The following PACS2 variants were observed in gnomAD, a reference collection of about 807,000 sequenced individuals.
PACS2 encodes the protein phosphofurin acidic cluster sorting protein 2.
Under a neutral mutation model 113.0 loss-of-function variants are expected in PACS2, and 36 were observed. The observed-to-expected ratio is 0.32, with a 90% CI of 0.24 to 0.42. PACS2 has a LOEUF of 0.42. PACS2 is among the 10% of genes least tolerant of loss of function. The probability of loss-of-function intolerance (pLI) is 1.00; values close to 1 mark genes in which losing one functional copy is unlikely to be tolerated. For synonymous variants in PACS2, 589 were observed against 536.1 expected (o/e 1.10, Z -1.36); for missense variants, 1,015 against 1,239.5 (o/e 0.82, Z 2.72).
At chr14:105,384,249 A>G in intron 16 of PACS2, 104 bp from the exon 17 acceptor site, 1 of 652,632 alleles carries the variant, frequency 1.5e-6, no homozygotes, top group Non-Finnish European at 2.7e-6. Flanking sequence ...TCTGGAAGGC[A>G]GCAGCACAGG....
At chr14:105,347,111 C>T (rs1298173640) in intron 1 of PACS2, among the ~76,000 whole-genome samples, 1 of 148,328 alleles carries the variant, frequency 6.7e-6, no homozygotes, top group Admixed American at 6.7e-5. Flanking sequence ...ACCCAGAGTG[C>T]TCTGGTGTCT....
At chr14:105,312,999 C>T (rs148025879), upstream of PACS2, among the ~76,000 whole-genome samples, 1,202 of 152,288 alleles carry the variant, frequency 7.9e-3, 12 homozygotes, top group Middle Eastern at 0.027. Context: ...TGGGATGGGA[C>T]AGAACTGTCA....
rs781997392 is a variant in PACS2, at chr14:105,392,701, GAGA to G, written c.2344_2346del (p.Lys782del). 3 of 1,612,762 alleles carry G rather than the reference GAGA, an allele frequency of 1.9e-6. No homozygotes were observed. Among genetic ancestry groups the G allele is most frequent in the African/African-American group, 2.7e-5 (2 of 74,924 alleles). ...GCCTGCGGACAGGAAGAGGGACGCC[GAGA>G]AGAAGGACCTGCCTGTCACCAAAAA... On this transcript the variant is annotated inframe_deletion, in exon 23 of 25. Transcript: ENST00000447393.
rs897491909 is a variant in PACS2, at chr14:105,367,337, A to C, written c.548A>C (p.Asp183Ala). 6.2e-7 allele frequency: 1 copy of C among 1,613,348 alleles called. No individual in the cohort carries two copies. The stretch of plus-strand genomic sequence containing the variant: ...TCCAGCCAGCCCATTGACCACGAAG[A>C]CAGCACCATGCAGGCCGGCCCCAAG... ...SLSSQPIDHEDSTMQAGPKAK... is the reference protein window; with the variant it reads ...SLSSQPIDHEASTMQAGPKAK... The change falls in exon 5 of 25, where the codon GAC becomes GCC. Residue 183 changes from aspartate (D) to alanine (A), a missense_variant. Asp to Ala is a moderately radical substitution (Grantham distance 126). Transcript: ENST00000447393.
chr14:105,352,972 T>C (rs1195120033), intron 3 of PACS2, among the ~76,000 whole-genome samples: 33 of 35,714 alleles, frequency 9.2e-4, no homozygotes, highest in Admixed American at 1.5e-3. Context: ...CGGGCACCCC[T>C]CATCACTGTC....
At chr14:105,387,904 G>A (rs1555413973) in intron 19 of PACS2, among the ~76,000 whole-genome samples, 1 of 152,230 alleles carries the variant, frequency 6.6e-6, no homozygotes, top group Admixed American at 6.5e-5. Context: ...GGACACAGAT[G>A]TCACAGATTT....
At chr14:105,371,867 G>A (rs1555409462) in intron 8 of PACS2, 1 of 152,230 alleles carries the variant, frequency 6.6e-6, no homozygotes, top group East Asian at 1.9e-4. Context: ...CAGTAGACTC[G>A]GTGTCTTGAG....
At position 105,357,409 on chromosome 14, in the gene PACS2, C is replaced by T. The variant is rs587640464; in HGVS notation, c.423+2232C>T. Among the ~76,000 whole-genome samples the T allele has an allele frequency of 4.6e-5, 7 of 152,236 alleles. No homozygotes were observed. In the South Asian group the frequency reaches 8.3e-4, roughly 18 times the overall value. ...TGTGGCCCCCACCCCAAGGCTCCCT[C>T]GCCCTGCACCTGTGGCTTCCAAAGC... On this transcript the variant is annotated intron_variant, in intron 4 of 24. Transcript: ENST00000447393. The surrounding 1 kb of genome is among the most constrained non-coding windows in gnomAD (Gnocchi z 5.1).
rs1555416869 is a variant in PACS2 at position 105,396,554 on chromosome 14, G to A, written c.*1882G>A. On this transcript the variant is annotated 3_prime_UTR_variant, in exon 25 of 25. Coordinates refer to ENST00000447393, the MANE Select transcript of PACS2 (RefSeq NM_001100913.3). ...CTTGCTCTGTTGCCCAGGCTGGAGT[G>A]CAGTGGCATGATCTCAGCTCACTGC... 7.0e-6 allele frequency: 1 copy of A among 143,440 alleles called. No homozygotes were observed. The highest frequency in any genetic ancestry group is 2.0e-4 in the East Asian group (1 of 4,934). 8.9% of individuals were successfully genotyped at this position (143,440 alleles called of 1,614,324 possible). A position where few individuals can be genotyped will look rare whatever the true frequency, so the allele number is the denominator to read the frequency against.
At chr14:105,383,737 C>A in intron 16 of PACS2, 1 of 537,920 alleles carries the variant, frequency 1.9e-6, no homozygotes, top group Non-Finnish European at 3.3e-6. Flanking sequence ...TAATTATATG[C>A]AAGATAACTT....
At position 105,369,782 on chromosome 14, in the gene PACS2, T is replaced by A. The variant is rs1359799291; in HGVS notation, c.742-59T>A. 2.1e-6 allele frequency: 3 copies of A among 1,450,046 alleles called. No individual in the cohort carries two copies. In the African/African-American group the frequency reaches 4.2e-5, roughly 20 times the overall value. 89.8% of individuals were successfully genotyped at this position (1,450,046 alleles called of 1,614,324 possible). A position where few individuals can be genotyped will look rare whatever the true frequency, so the allele number is the denominator to read the frequency against. ...TGCGGCCTGGGCCTGAGGAAGGGGCTCCAGCGGCGGGTCTGCAGCTCTGGC... is the reference window on the plus strand; with the variant it reads ...TGCGGCCTGGGCCTGAGGAAGGGGCACCAGCGGCGGGTCTGCAGCTCTGGC... On this transcript the variant is annotated intron_variant, in intron 7 of 24. Coordinates refer to ENST00000447393, the MANE Select transcript of PACS2 (RefSeq NM_001100913.3).
chr14:105,381,945 C>T lies in PACS2; in HGVS notation c.1300C>T (p.Arg434Trp). ...SEGKQAGRRG[R>W]STSLKERQAA... Reference sequence around the variant, plus strand: ...GGGGAAGCAGGCTGGCCGACGGGGCCGGAGCACATCCTTGAAGGAGCGGCA... The same window carrying T: ...GGGGAAGCAGGCTGGCCGACGGGGCTGGAGCACATCCTTGAAGGAGCGGCA... The change falls in exon 13 of 25, where the codon CGG becomes TGG. Residue 434 changes from arginine (R) to tryptophan (W), a missense_variant. Coordinates refer to ENST00000447393, the MANE Select transcript of PACS2 (RefSeq NM_001100913.3). 6.4e-7 allele frequency: 1 copy of T among 1,550,874 alleles called. No individual in the cohort carries two copies. The highest frequency in any genetic ancestry group is 8.7e-7 in the Non-Finnish European group (1 of 1,147,164).
rs1455297417 is a variant in PACS2, at chr14:105,380,086, G to T, written c.1057G>T (p.Val353Leu). 1.3e-6 allele frequency: 2 copies of T among 1,552,496 alleles called. No homozygotes were observed. The highest frequency in any genetic ancestry group is 1.7e-6 in the Non-Finnish European group (2 of 1,147,802). Residue 353 changes from valine to leucine, a missense_variant, in exon 11 of 25, where the codon GTG becomes TTG. By Grantham distance (32) the Val-to-Leu change is conservative. Transcript: ENST00000447393. ...SHKEPPSPAD[V>L]PEKTRSLGGR... ...CCCATCTCCTCCCCCACAGGCTGAC[G>T]TGCCCGAGAAGACGCGGTCCCTGGG... is the stretch of plus-strand genomic sequence containing the variant.
chr14:105,303,045 C>A (rs901134176), intron 1 of PACS2, among the ~76,000 whole-genome samples: 1 of 152,038 alleles, frequency 6.6e-6, no homozygotes, highest in African/African-American at 2.4e-5. Context: ...TCTGTCACTT[C>A]AGCCTCCCAA....
In PACS2 at chr14:105,355,865, G is replaced by C. The variant is rs2060423584; in HGVS notation, c.423+688G>C. On this transcript the variant is annotated intron_variant, in intron 4 of 24. Coordinates refer to ENST00000447393, the MANE Select transcript of PACS2 (RefSeq NM_001100913.3). This position sits in a 1 kb window ranked among gnomAD's most constrained non-coding sequence, Gnocchi z 4.1. Reference sequence around the variant, plus strand: ...CTCATGGACCCTTTCGGGGCTGCAAGATTGGCTCTGGGAGAAGGGGCAGCC... The same window carrying C: ...CTCATGGACCCTTTCGGGGCTGCAACATTGGCTCTGGGAGAAGGGGCAGCC... 1.3e-5 allele frequency among the ~76,000 whole-genome samples: 2 copies of C among 152,196 alleles called. No homozygotes were observed. The highest frequency in any genetic ancestry group is 4.8e-5 in the African/African-American group (2 of 41,452).
chr14:105,348,698 A>T lies in PACS2; in HGVS notation c.207+118A>T. 2.6e-6 allele frequency: 2 copies of T among 774,942 alleles called. No homozygotes were observed. The highest frequency in any genetic ancestry group is 4.4e-6 in the Non-Finnish European group (2 of 450,694). 48.0% of individuals were successfully genotyped at this position (774,942 alleles called of 1,614,324 possible). ...CTTGTGCCAAAACAGCGGGCAGCCC[A>T]TGCCATCTCCGGGAGCCCGGGGGGC... On this transcript the variant is annotated intron_variant, in intron 2 of 24. Transcript: ENST00000447393. The surrounding 1 kb of genome is among the most constrained non-coding windows in gnomAD (Gnocchi z 6.4).
At chr14:105,349,935 G>A (rs7493180) in intron 2 of PACS2, among the ~76,000 whole-genome samples, 2,132 of 142,090 alleles carry the variant, frequency 0.015, 22 homozygotes, top group Non-Finnish European at 0.019. Context: ...GCAGGACCCC[G>A]AGAACTTCCA....
In PACS2 at chr14:105,314,936, C is replaced by G; in HGVS notation, c.18C>G (p.Arg6=). 8.8e-7 allele frequency: 1 copy of G among 1,136,908 alleles called. No homozygotes were observed. Among genetic ancestry groups the G allele is most frequent in the Non-Finnish European group, 1.1e-6 (1 of 911,644 alleles). 70.4% of individuals were successfully genotyped at this position (1,136,908 alleles called of 1,614,324 possible). The change falls in exon 1 of 25, where the codon CGC becomes CGG. Residue 6 remains arginine, a synonymous_variant. Coordinates refer to ENST00000447393, the MANE Select transcript of PACS2 (RefSeq NM_001100913.3). ...CCGGCGCCATGGCCGAGCGAGGCCG[C>G]CTCGGCCTCCCCGGCGCGCCCGGCG... MAERG[R]LGLPGAPGAL... is the part of the protein sequence containing the mutation.
At chr14:105,316,481 G>T (rs1228598286) in intron 1 of PACS2, among the ~76,000 whole-genome samples, 1 of 152,216 alleles carries the variant, frequency 6.6e-6, no homozygotes, top group African/African-American at 2.4e-5. Context: ...ACCTTCATGC[G>T]GGCTGTTGGC....
Sources: allele counts gnomAD v4.1 joint callset (sites outside exome capture counted in the v4.1 genomes callset), GRCh38; gene constraint gnomAD v4.1.1; non-coding constraint Gnocchi (gnomAD v3.1); transcripts MANE v1.5; gene names NCBI Gene and HGNC (gene_info 2026-07-23, HGNC 2026-07-21).